AUTS2: variants seen among roughly 807,000 people sequenced by gnomAD.
AUTS2 encodes the protein activator of transcription and developmental regulator AUTS2.
In AUTS2, 17 loss-of-function variants were observed where a neutral mutation model predicts 112.4. The ratio of observed to expected loss-of-function variants is 0.15; its 90% CI spans 0.10 to 0.23. The LOEUF (loss-of-function observed/expected upper bound fraction) is 0.23, where lower values mean the gene tolerates loss of function less well. AUTS2 is among the 10% of genes least tolerant of loss of function. The probability of loss-of-function intolerance (pLI) is 1.00; values close to 1 mark genes in which losing one functional copy is unlikely to be tolerated. For missense variants in AUTS2, 1,510 were observed against 1,701.6 expected, an observed-to-expected ratio of 0.89 and a Z score of 1.98; for synonymous variants, 751 against 702.7, an observed-to-expected ratio of 1.07 and a Z score of -1.09.
chr7:70,031,422 C>A (rs1037582520), intron 2 of AUTS2, among the ~76,000 whole-genome samples: 1 of 152,048 alleles, frequency 6.6e-6, no homozygotes, highest in African/African-American at 2.4e-5. Context: ...GCAGTCAGAC[C>A]GAAGAGAGCA....
chr7:69,689,065 A>G (rs182589848), intron 1 of AUTS2, among the ~76,000 whole-genome samples: 350 of 152,254 alleles, frequency 2.3e-3, no homozygotes, highest in Non-Finnish European at 4.1e-3. Flanking sequence ...GAGTGTCTTG[A>G]AACCTTTGTG....
intron 5 of AUTS2, among the ~76,000 whole-genome samples, chr7:70,524,705 G>A (rs549175659): frequency 2.8e-4 from 42 of 152,228 alleles, no homozygotes; most frequent in Admixed American, 4.6e-4. Context: ...AAATGTTAAT[G>A]GGTTATCAAT....
intron 2 of AUTS2, among the ~76,000 whole-genome samples, chr7:70,023,503 ACT>A (rs1177615022): frequency 1.3e-5 from 2 of 152,090 alleles, no homozygotes; most frequent in East Asian, 1.9e-4. Context: ...CTCCCAGGTG[ACT>A]CTGTAAGTTT....
At chr7:70,527,167 T>A (rs3113264) in intron 5 of AUTS2, among the ~76,000 whole-genome samples, 84,680 of 151,994 alleles carry the variant, frequency 0.56, 24,389 homozygotes, top group African/African-American at 0.68. Context: ...CAGTGACCTC[T>A]GCCAATTTGT....
At chr7:70,228,032 T>C (rs778400139) in intron 4 of AUTS2, among the ~76,000 whole-genome samples, 1 of 152,110 alleles carries the variant, frequency 6.6e-6, no homozygotes, top group Middle Eastern at 3.4e-3. Context: ...TCTCCAGTTA[T>C]TTTTGCATTG....
intron 5 of AUTS2, among the ~76,000 whole-genome samples, chr7:70,653,235 T>G (rs1284592873): frequency 6.6e-6 from 1 of 151,816 alleles, no homozygotes; most frequent in Non-Finnish European, 1.5e-5. Flanking sequence ...GAGTGAGACC[T>G]TGTCTCAAAA....
chr7:69,707,459 T>C (rs1798116403), intron 1 of AUTS2, among the ~76,000 whole-genome samples: 1 of 152,160 alleles, frequency 6.6e-6, no homozygotes, highest in Non-Finnish European at 1.5e-5. Flanking sequence ...GTGTAAGAAA[T>C]ATTCATCTTT....
intron 2 of AUTS2, among the ~76,000 whole-genome samples, chr7:70,093,278 A>G (rs1804017115): frequency 6.6e-6 from 1 of 152,216 alleles, no homozygotes; most frequent in Admixed American, 6.5e-5. Context: ...CCAACTTGAT[A>G]GGACTTCAGC....
chr7:69,775,749 GA>G (rs1788865629), intron 1 of AUTS2, among the ~76,000 whole-genome samples: 1 of 152,152 alleles, frequency 6.6e-6, no homozygotes, highest in Non-Finnish European at 1.5e-5. Flanking sequence ...TGGGCCGGGT[GA>G]GCTGCTAGCA....
intron 2 of AUTS2, among the ~76,000 whole-genome samples, chr7:70,000,321 C>T (rs1380440250): frequency 1.3e-5 from 2 of 152,220 alleles, no homozygotes; most frequent in East Asian, 1.9e-4. Context: ...TTGTATCCAG[C>T]GTCACAGGGC....
chr7:69,924,262 A>C (rs1795922148), intron 2 of AUTS2, among the ~76,000 whole-genome samples: 1 of 152,136 alleles, frequency 6.6e-6, no homozygotes, highest in Admixed American at 6.5e-5. Context: ...TGTGAAACCA[A>C]AATGCTTTCC....
intron 1 of AUTS2, among the ~76,000 whole-genome samples, chr7:69,727,316 G>A (rs947453374): frequency 1.2e-4 from 18 of 152,142 alleles, no homozygotes; most frequent in Non-Finnish European, 2.4e-4. Flanking sequence ...TGAGGGCCAG[G>A]TGCAGTAGCT....
intron 4 of AUTS2, among the ~76,000 whole-genome samples, chr7:70,254,128 T>C (rs1786739113): frequency 6.6e-6 from 1 of 152,204 alleles, no homozygotes; most frequent in Non-Finnish European, 1.5e-5. Context: ...CTGTTTAGTT[T>C]TTAAATCGTT....
chr7:70,026,951 T>C (rs2129555957), intron 2 of AUTS2, among the ~76,000 whole-genome samples: 2 of 151,990 alleles, frequency 1.3e-5, no homozygotes, highest in South Asian at 4.2e-4. Flanking sequence ...GATTTTTTAG[T>C]TTTATGATAG....
intron 6 of AUTS2, among the ~76,000 whole-genome samples, chr7:70,749,703 G>A (rs753803976): frequency 6.6e-6 from 1 of 152,172 alleles, no homozygotes; most frequent in Non-Finnish European, 1.5e-5. Context: ...GGCCATAGCA[G>A]GTTGTGTGAA....
chr7:70,364,437 G>A (rs554998850), intron 4 of AUTS2, among the ~76,000 whole-genome samples: 7 of 151,964 alleles, frequency 4.6e-5, no homozygotes, highest in Non-Finnish European at 7.4e-5. Flanking sequence ...ATGGTGGCAC[G>A]TGCCTGTAGT....
intron 4 of AUTS2, among the ~76,000 whole-genome samples, chr7:70,432,246 C>A (rs147138586): frequency 6.6e-6 from 1 of 152,150 alleles, no homozygotes; most frequent in African/African-American, 2.4e-5. Context: ...ATCTGACATG[C>A]CTTTTCCATT....
intron 1 of AUTS2, among the ~76,000 whole-genome samples, chr7:69,669,227 G>A (rs886467237): frequency 1.3e-5 from 2 of 151,988 alleles, no homozygotes; most frequent in South Asian, 2.1e-4. Context: ...AGAAATAATC[G>A]CAATTTTTTT....
intron 5 of AUTS2, among the ~76,000 whole-genome samples, chr7:70,671,456 A>C (rs17141989): frequency 0.03 from 4,524 of 152,304 alleles, 222 homozygotes; most frequent in African/African-American, 0.1. Flanking sequence ...AGAATTCCTT[A>C]TTTCAAAGGC....
Sources: allele counts gnomAD v4.1 joint callset (sites outside exome capture counted in the v4.1 genomes callset), GRCh38; gene constraint gnomAD v4.1.1; transcripts MANE v1.5; gene names NCBI Gene and HGNC (gene_info 2026-07-23, HGNC 2026-07-21).